XKR6: variants seen among roughly 807,000 people sequenced by gnomAD.
XKR6 encodes XK related 6, also known as XK-related protein 6.
In XKR6, 22 loss-of-function variants were observed where a neutral mutation model predicts 56.7. That is an observed-to-expected ratio of 0.39 (90% CI 0.28 to 0.55). The LOEUF (loss-of-function observed/expected upper bound fraction) is 0.55, where lower values mean the gene tolerates loss of function less well. XKR6 is among the 20% of genes least tolerant of loss of function. The pLI, the probability that XKR6 is intolerant of heterozygous loss-of-function variation, is 0.66. For synonymous variants in XKR6, 524 were observed against 387.8 expected (o/e 1.35, Z -4.13); for missense variants, 852 against 889.0 (o/e 0.96, Z 0.53).
chr8:11,038,840 C>T (rs1047818935), intron 1 of XKR6, among the ~76,000 whole-genome samples: 4 of 152,076 alleles, frequency 2.6e-5, no homozygotes, highest in African/African-American at 9.7e-5. Flanking sequence ...CGCGCCTGGC[C>T]GACTTCAGGC....
At chr8:11,195,324 T>C (rs1034619290) in intron 1 of XKR6, 5 of 599,034 alleles carry the variant, frequency 8.3e-6, no homozygotes, top group Non-Finnish European at 3.0e-6. Flanking sequence ...AAGGTAGAGA[T>C]TCATTTTTTT....
chr8:11,003,015 C>T (rs1193704087), intron 1 of XKR6, among the ~76,000 whole-genome samples: 1 of 152,034 alleles, frequency 6.6e-6, no homozygotes, highest in Non-Finnish European at 1.5e-5. Context: ...AAAAAAACCT[C>T]CAATCTAACA....
At chr8:11,173,570 G>A (rs1485400507) in intron 1 of XKR6, among the ~76,000 whole-genome samples, 1 of 152,038 alleles carries the variant, frequency 6.6e-6, no homozygotes, top group African/African-American at 2.4e-5. Flanking sequence ...CTGTGTGCTT[G>A]GGTTTCCACA....
At chr8:11,164,320 CT>C (rs1169543584) in intron 1 of XKR6, among the ~76,000 whole-genome samples, 1 of 152,228 alleles carries the variant, frequency 6.6e-6, no homozygotes, top group East Asian at 1.9e-4. Flanking sequence ...TAGGTACTCG[CT>C]AGACTTTTTC....
At chr8:11,182,876 C>A (rs1010654088) in intron 1 of XKR6, among the ~76,000 whole-genome samples, 1 of 152,162 alleles carries the variant, frequency 6.6e-6, no homozygotes, top group Admixed American at 6.5e-5. Context: ...CTCCACGTAT[C>A]CCCTCGCCCC....
intron 1 of XKR6, among the ~76,000 whole-genome samples, chr8:11,084,452 A>G (rs1240317831): frequency 6.6e-6 from 1 of 152,232 alleles, no homozygotes; most frequent in Non-Finnish European, 1.5e-5. Context: ...CTCCTGTCTA[A>G]GAATTGCACT....
chr8:11,178,977 G>C lies in XKR6; in HGVS notation c.764+21599C>G, dbSNP rs569719652. Reference sequence around the variant, plus strand: ...CCCGCCTCAGCCTCCCAAGTAGCTAGAACTACAGGCATACACGACCACACC... The same window carrying C: ...CCCGCCTCAGCCTCCCAAGTAGCTACAACTACAGGCATACACGACCACACC... On this transcript the variant is annotated intron_variant, in intron 1 of 2. Coordinates refer to ENST00000416569, the MANE Select transcript of XKR6 (RefSeq NM_173683.4). 6.0e-5 allele frequency among the ~76,000 whole-genome samples: 9 copies of C among 149,360 alleles called. No homozygotes were observed. In the East Asian group the frequency reaches 1.6e-3, roughly 26 times the overall value.
At chr8:11,162,663 T>A (rs573951658) in intron 1 of XKR6, among the ~76,000 whole-genome samples, 1 of 152,350 alleles carries the variant, frequency 6.6e-6, no homozygotes, top group East Asian at 1.9e-4. Flanking sequence ...TTTAAAACAG[T>A]CCAACTTCTG....
chr8:10,950,315 A>G (rs1044565431), intron 1 of XKR6, among the ~76,000 whole-genome samples: 5 of 152,218 alleles, frequency 3.3e-5, no homozygotes, highest in African/African-American at 1.2e-4. Flanking sequence ...TGCAGGCCCA[A>G]GCTCAGAAGG....
chr8:11,124,437 T>A (rs1049302058), intron 1 of XKR6: 1 of 164,198 alleles, frequency 6.1e-6, no homozygotes. Flanking sequence ...TTTTTTGAAG[T>A]AGAGAAGTCA....
intron 1 of XKR6, among the ~76,000 whole-genome samples, chr8:11,064,855 G>A (rs1279517708): frequency 6.6e-6 from 1 of 152,168 alleles, no homozygotes; most frequent in Non-Finnish European, 1.5e-5. Context: ...ATGGAACCCT[G>A]AGCTAAGTGC....
chr8:10,978,783 T>TC (rs1337769843), intron 1 of XKR6, among the ~76,000 whole-genome samples: 2 of 151,926 alleles, frequency 1.3e-5, no homozygotes, highest in African/African-American at 2.4e-5. Flanking sequence ...AGACAACTCC[T>TC]CCCCCCGTGC....
intron 1 of XKR6, among the ~76,000 whole-genome samples, chr8:11,022,638 C>A (rs758086013): frequency 6.6e-6 from 1 of 152,250 alleles, no homozygotes; most frequent in African/African-American, 2.4e-5. Flanking sequence ...TCCATCCCTA[C>A]GACCCACAGA....
chr8:11,183,627 T>A (rs1056641048), intron 1 of XKR6, among the ~76,000 whole-genome samples: 2 of 152,134 alleles, frequency 1.3e-5, no homozygotes, highest in African/African-American at 4.8e-5. Context: ...CTGGCTTATT[T>A]TCTGGATTTT....
At chr8:11,120,401 CAG>C (rs1799390643) in intron 1 of XKR6, among the ~76,000 whole-genome samples, 1 of 152,166 alleles carries the variant, frequency 6.6e-6, no homozygotes, top group Non-Finnish European at 1.5e-5. Context: ...AACAGACAAA[CAG>C]AGAGCCAAAT....
At chr8:11,143,410 G>A (rs1057515006) in intron 1 of XKR6, among the ~76,000 whole-genome samples, 16 of 152,242 alleles carry the variant, frequency 1.1e-4, no homozygotes, top group South Asian at 6.2e-4. Flanking sequence ...ATCCTAATCC[G>A]ACAATGTAAC....
chr8:10,929,764 G>A (rs1021060621), intron 1 of XKR6, among the ~76,000 whole-genome samples: 2 of 152,304 alleles, frequency 1.3e-5, no homozygotes, highest in South Asian at 2.1e-4. Flanking sequence ...ATAAGACCAT[G>A]CCTGTGAGCA....
Position 11,201,300 on chromosome 8 carries a change from A to G in XKR6, c.40T>C (p.Phe14Leu), listed in dbSNP as rs769095588. The change falls in exon 1 of 3, where the codon TTC (phenylalanine) becomes CTC (leucine). Residue 14 changes from phenylalanine to leucine, a missense_variant. Coordinates refer to ENST00000416569, the MANE Select transcript of XKR6 (RefSeq NM_173683.4). The part of the protein sequence containing the change: ...KSDGGGVGVG[F>L]AQLHNLDEAV... ...TCGTCCAGGTTGTGCAGCTGAGCGA[A>G]GCCCACCCCCACGCCACCGCCATCG... The G allele has an allele frequency of 1.4e-6, 2 of 1,479,680 alleles. No homozygotes were observed. The highest frequency in any genetic ancestry group is 1.8e-6 in the Non-Finnish European group (2 of 1,113,892). The allele number at this position is 1,479,680 out of a possible 1,614,324, so 91.7% of individuals were successfully genotyped here. A position where few individuals can be genotyped will look rare whatever the true frequency, so the allele number is the denominator to read the frequency against.
chr8:10,978,635 T>C (rs921960515), intron 1 of XKR6, among the ~76,000 whole-genome samples: 1 of 152,212 alleles, frequency 6.6e-6, no homozygotes, highest in African/African-American at 2.4e-5. Context: ...TCTCTGCCCT[T>C]AACATAGATG....
Sources: gnomAD v4.1 joint callset for allele counts (sites outside exome capture counted in the v4.1 genomes callset) on GRCh38, gnomAD v4.1.1 for gene constraint, MANE v1.5 for transcripts, NCBI Gene and HGNC (gene_info 2026-07-23, HGNC 2026-07-21) for gene names.